Variants in ROBO2 observed in about 807,000 individuals in gnomAD.
The protein encoded by ROBO2 is roundabout homolog 2.
ROBO2 carries 53 observed loss-of-function variants against 160.8 expected under a neutral mutation model. The observed-to-expected ratio is 0.33, with a 90% CI of 0.26 to 0.41. The LOEUF is 0.41. ROBO2 is among the 10% of genes least tolerant of loss of function. The probability of loss-of-function intolerance (pLI) is 1.00; values close to 1 mark genes in which losing one functional copy is unlikely to be tolerated. For missense variants in ROBO2, 1,577 were observed against 1,722.4 expected, an observed-to-expected ratio of 0.92 and a Z score of 1.49; for synonymous variants, 664 against 611.7, an observed-to-expected ratio of 1.09 and a Z score of -1.26.
intron 2 of ROBO2, among the ~76,000 whole-genome samples, chr3:77,390,598 A>G (rs1175355509): frequency 6.6e-6 from 1 of 152,188 alleles, no homozygotes; most frequent in Non-Finnish European, 1.5e-5. Context: ...CTATGAGTCC[A>G]TTAAACCTCT....
At chr3:76,379,506 GTA>G (rs1263797198) in intron 2 of ROBO2, among the ~76,000 whole-genome samples, 9 of 152,194 alleles carry the variant, frequency 5.9e-5, no homozygotes, top group African/African-American at 2.2e-4. Flanking sequence ...GGCTATGCTT[GTA>G]GTGTCTCTGA....
At chr3:77,644,893 C>A in exon 25 of ROBO2, 1 of 1,614,022 alleles carries the variant, frequency 6.2e-7, no homozygotes. Context: ...GGACAGTTTA[C>A]AGGTGAATTA....
At chr3:77,390,423 G>A (rs557898353) in intron 2 of ROBO2, among the ~76,000 whole-genome samples, 6 of 152,226 alleles carry the variant, frequency 3.9e-5, no homozygotes, top group South Asian at 2.1e-4. Flanking sequence ...ATTGAATCAC[G>A]GGGATGGGTC....
At chr3:77,593,140 A>G (rs1030225691) in intron 17 of ROBO2, among the ~76,000 whole-genome samples, 1 of 151,946 alleles carries the variant, frequency 6.6e-6, no homozygotes, top group African/African-American at 2.4e-5. Context: ...GCTTATTTGC[A>G]TATTCACAAT....
chr3:77,331,705 A>G (rs749595671), intron 2 of ROBO2, among the ~76,000 whole-genome samples: 6 of 151,296 alleles, frequency 4.0e-5, no homozygotes, highest in Non-Finnish European at 8.8e-5. Context: ...TTATTTATTT[A>G]TTTATTTATA....
At chr3:77,469,263 T>G (rs886594643) in intron 2 of ROBO2, among the ~76,000 whole-genome samples, 2 of 152,198 alleles carry the variant, frequency 1.3e-5, no homozygotes. Context: ...TCCAGCCATG[T>G]CCTTAAGAGC....
rs1284590423 is a variant in ROBO2, at chr3:77,400,267, T to C, written c.389-77147T>C. Among the ~76,000 whole-genome samples, 3 of 152,182 alleles carry C rather than the reference T, an allele frequency of 2.0e-5. No homozygotes were observed. In the East Asian group the frequency reaches 5.8e-4, roughly 29 times the overall value. On this transcript the variant is annotated intron_variant, in intron 2 of 25. Coordinates refer to ENST00000461745, the Ensembl canonical transcript of ROBO2. The stretch of plus-strand genomic sequence containing the variant: ...ATGGATAGGTTGTGAATTATCTGAC[T>C]TGGTGAATTCTAATCAGACAAACAG...
chr3:77,268,789 T>C (rs1372425), intron 2 of ROBO2, among the ~76,000 whole-genome samples: 24,539 of 152,096 alleles, frequency 0.16, 2,748 homozygotes, highest in East Asian at 0.64. Flanking sequence ...CCTTTTCCCC[T>C]TTTCTGGGCA....
At chr3:76,898,139 G>A (rs974103997) in intron 2 of ROBO2, among the ~76,000 whole-genome samples, 11 of 151,986 alleles carry the variant, frequency 7.2e-5, no homozygotes, top group Non-Finnish European at 1.6e-4. Context: ...TTGCTTTGGT[G>A]CACTTTATTA....
intron 23 of ROBO2, chr3:77,631,944 TTTTG>T (rs2095172115): frequency 6.6e-6 from 1 of 152,178 alleles, no homozygotes; most frequent in South Asian, 2.1e-4. Flanking sequence ...TTTATACATT[TTTTG>T]TTTGTGAATT....
intron 2 of ROBO2, among the ~76,000 whole-genome samples, chr3:77,256,694 C>G (rs1011957742): frequency 6.6e-6 from 1 of 152,128 alleles, no homozygotes; most frequent in African/African-American, 2.4e-5. Context: ...AGAGGAAAAG[C>G]CTATTCCCAA....
intron 1 of ROBO2, among the ~76,000 whole-genome samples, chr3:77,063,354 A>G (rs1203527010): frequency 1.3e-5 from 2 of 152,156 alleles, no homozygotes; most frequent in African/African-American, 4.8e-5. Context: ...GGAATAAAAT[A>G]GGAGGAGGTT....
At chr3:77,455,789 A>C (rs1375953964) in intron 2 of ROBO2, among the ~76,000 whole-genome samples, 4 of 149,976 alleles carry the variant, frequency 2.7e-5, no homozygotes, top group Non-Finnish European at 5.9e-5. Flanking sequence ...ATTTTTATTC[A>C]TTCATTAATA....
intron 2 of ROBO2, among the ~76,000 whole-genome samples, chr3:76,429,019 TC>T (rs1251580506): frequency 1.3e-5 from 2 of 152,164 alleles, no homozygotes; most frequent in Non-Finnish European, 2.9e-5. Flanking sequence ...TTCCAACACT[TC>T]GTAGGATGAA....
intron 2 of ROBO2, among the ~76,000 whole-genome samples, chr3:77,442,909 C>T (rs2080099509): frequency 6.6e-6 from 1 of 152,194 alleles, no homozygotes; most frequent in African/African-American, 2.4e-5. Context: ...CATCAGTGCT[C>T]AGAAAGAGTG....
intron 2 of ROBO2, among the ~76,000 whole-genome samples, chr3:76,397,073 A>C (rs1197056406): frequency 1.3e-5 from 2 of 152,184 alleles, no homozygotes; most frequent in African/African-American, 4.8e-5. Context: ...ACTTCAAACT[A>C]TACTACACGG....
At chr3:77,477,785 C>T (rs1047069141) in intron 3 of ROBO2, among the ~76,000 whole-genome samples, 1 of 150,924 alleles carries the variant, frequency 6.6e-6, no homozygotes, top group Non-Finnish European at 1.5e-5. Flanking sequence ...AATAATTGCA[C>T]CAATCTGAGT....
At chr3:77,343,830 T>C (rs1286481025) in intron 2 of ROBO2, among the ~76,000 whole-genome samples, 1 of 152,074 alleles carries the variant, frequency 6.6e-6, no homozygotes, top group Non-Finnish European at 1.5e-5. Context: ...ACCAAACACA[T>C]GGGTGAATGA....
At chr3:76,529,656 A>G (rs1284697554) in intron 2 of ROBO2, among the ~76,000 whole-genome samples, 2 of 152,142 alleles carry the variant, frequency 1.3e-5, no homozygotes, top group Non-Finnish European at 2.9e-5. Flanking sequence ...TTTCTATACA[A>G]TTAGTCAACT....
Sources: gnomAD v4.1 joint callset for allele counts (sites outside exome capture counted in the v4.1 genomes callset) on GRCh38, gnomAD v4.1.1 for gene constraint, MANE v1.5 for transcripts, NCBI Gene and HGNC (gene_info 2026-07-23, HGNC 2026-07-21) for gene names.